The following BMPR1B variants were observed in gnomAD, a reference collection of about 807,000 sequenced individuals.
BMPR1B encodes bone morphogenetic protein receptor type-1B.
In BMPR1B, 12 loss-of-function variants were observed where a neutral mutation model predicts 59.1. That is an observed-to-expected ratio of 0.20 (90% CI 0.13 to 0.33). The LOEUF (loss-of-function observed/expected upper bound fraction) is 0.33. Among genes scored for constraint, BMPR1B ranks in the 10% least tolerant of loss-of-function variants. BMPR1B has a pLI of 1.00. For synonymous variants in BMPR1B, 237 were observed against 207.3 expected (o/e 1.14, Z -1.23); for missense variants, 550 against 610.9 (o/e 0.90, Z 1.05).
intron 3 of BMPR1B, among the ~76,000 whole-genome samples, chr4:95,102,255 C>A (rs1490962481): frequency 6.6e-6 from 1 of 152,162 alleles, no homozygotes; most frequent in Non-Finnish European, 1.5e-5. Flanking sequence ...CATCTTACTT[C>A]CAATCACATG....
At chr4:94,924,625 C>A (rs560838041) in intron 2 of BMPR1B, among the ~76,000 whole-genome samples, 2 of 152,128 alleles carry the variant, frequency 1.3e-5, no homozygotes, top group Non-Finnish European at 2.9e-5. Flanking sequence ...ACAAGACAGT[C>A]CATGGTTTCC....
intron 3 of BMPR1B, among the ~76,000 whole-genome samples, chr4:95,054,591 T>C (rs1726780030): frequency 6.6e-6 from 1 of 152,168 alleles, no homozygotes; most frequent in Admixed American, 6.5e-5. Flanking sequence ...CTACTTGTAC[T>C]ATCCTACCCC....
intron 1 of BMPR1B, among the ~76,000 whole-genome samples, chr4:94,784,435 A>G (rs891843919): frequency 6.6e-6 from 1 of 152,130 alleles, no homozygotes; most frequent in African/African-American, 2.4e-5. Flanking sequence ...CTTATTTGTT[A>G]TGAGTTTTCA....
intron 5 of BMPR1B, among the ~76,000 whole-genome samples, chr4:95,115,143 T>C (rs966616243): frequency 1.3e-5 from 2 of 152,194 alleles, no homozygotes; most frequent in African/African-American, 2.4e-5. Context: ...CTTTATCTTT[T>C]GGCCTATGTG....
chr4:94,847,280 A>G (rs1560513621), intron 1 of BMPR1B, among the ~76,000 whole-genome samples: 1 of 152,250 alleles, frequency 6.6e-6, no homozygotes, highest in Non-Finnish European at 1.5e-5. Context: ...AAAAACAGGC[A>G]GTAACAAATG....
At chr4:94,874,782 A>AG (rs1726650507) in intron 1 of BMPR1B, among the ~76,000 whole-genome samples, 1 of 152,110 alleles carries the variant, frequency 6.6e-6, no homozygotes, top group Admixed American at 6.5e-5. Flanking sequence ...ACTTGAGGTC[A>AG]GGAGTTCGAG....
chr4:94,778,062 T>C (rs1289473947), intron 1 of BMPR1B, among the ~76,000 whole-genome samples: 1 of 152,118 alleles, frequency 6.6e-6, no homozygotes, highest in Non-Finnish European at 1.5e-5. Context: ...ATATATGTTT[T>C]TAAATGAAAT....
chr4:94,895,096 A>G (rs550572817), intron 2 of BMPR1B, among the ~76,000 whole-genome samples: 1 of 152,168 alleles, frequency 6.6e-6, no homozygotes, highest in South Asian at 2.1e-4. Flanking sequence ...TGATAGTACC[A>G]TGTTCAACTT....
intron 2 of BMPR1B, among the ~76,000 whole-genome samples, chr4:94,892,163 A>G (rs1270191431): frequency 2.0e-5 from 3 of 152,056 alleles, no homozygotes; most frequent in Admixed American, 2.0e-4. Context: ...AACATCCCAG[A>G]GGAACATACG....
At chr4:94,758,714 G>A (rs1467347187) in intron 1 of BMPR1B, among the ~76,000 whole-genome samples, 1 of 151,620 alleles carries the variant, frequency 6.6e-6, no homozygotes, top group African/African-American at 2.4e-5. Flanking sequence ...CTCTCTCTAT[G>A]CCTCTCTCTC....
chr4:95,127,690 T>C (rs990664584), intron 8 of BMPR1B, among the ~76,000 whole-genome samples: 13 of 152,162 alleles, frequency 8.5e-5, no homozygotes, highest in African/African-American at 2.9e-4. Context: ...CTCAACATGA[T>C]GTCTCATGGC....
intron 3 of BMPR1B, among the ~76,000 whole-genome samples, chr4:95,015,177 A>G (rs1163494262): frequency 6.6e-6 from 1 of 152,196 alleles, no homozygotes; most frequent in Non-Finnish European, 1.5e-5. Flanking sequence ...GGTGTGCTGT[A>G]TGCTGTGGTG....
In BMPR1B at chr4:95,026,022, C is replaced by G. The variant is rs192497424; in HGVS notation, c.-18+29888C>G. ...TACACCTGAGGGTACGTCAGGCCTCCTGTCTAATCAGTGTGTACAGTATAC... is the reference window on the plus strand; with the variant it reads ...TACACCTGAGGGTACGTCAGGCCTCGTGTCTAATCAGTGTGTACAGTATAC... On this transcript the variant is annotated intron_variant, in intron 3 of 12. Coordinates refer to ENST00000515059, the MANE Select transcript of BMPR1B (RefSeq NM_001203.3). Among the ~76,000 whole-genome samples the G allele has an allele frequency of 1.6e-4, 24 of 152,326 alleles. No individual in the cohort carries two copies. In the South Asian group the frequency reaches 2.3e-3, roughly 14 times the overall value.
chr4:95,152,776 A>G lies in BMPR1B; in HGVS notation c.1383+3A>G, dbSNP rs1475083732. ...CAAACCGGTGGAGCAGTGATGAGGTAAGGCTTGAGGTAACCATGTGGCTGT... is the reference window on the plus strand; with the variant it reads ...CAAACCGGTGGAGCAGTGATGAGGTGAGGCTTGAGGTAACCATGTGGCTGT... On this transcript the variant is annotated splice_donor_region_variant and intron_variant, in intron 12 of 12. Coordinates refer to ENST00000515059, the MANE Select transcript of BMPR1B (RefSeq NM_001203.3). 1 of 1,612,052 alleles carries G rather than the reference A, an allele frequency of 6.2e-7. No homozygotes were observed. The highest frequency in any genetic ancestry group is 8.5e-7 in the Non-Finnish European group (1 of 1,179,114).
At chr4:95,001,099 AT>A (rs1200846667) in intron 3 of BMPR1B, among the ~76,000 whole-genome samples, 10 of 151,320 alleles carry the variant, frequency 6.6e-5, no homozygotes, top group South Asian at 4.2e-4. Flanking sequence ...TAAGGCCAGT[AT>A]TTTTTTTTAT....
intron 3 of BMPR1B, among the ~76,000 whole-genome samples, chr4:95,020,231 G>A (rs1723874530): frequency 6.6e-6 from 1 of 152,132 alleles, no homozygotes; most frequent in Non-Finnish European, 1.5e-5. Flanking sequence ...GATCTAATGA[G>A]TAGAAGTCAA....
chr4:95,091,496 A>G, intron 3 of BMPR1B: 1 of 985,312 alleles, frequency 1.0e-6, no homozygotes. Flanking sequence ...ATAACATATC[A>G]CAGGTGCAGG....
At chr4:95,026,733 T>G (rs2149146559) in intron 3 of BMPR1B, among the ~76,000 whole-genome samples, 1 of 62,214 alleles carries the variant, frequency 1.6e-5, no homozygotes, top group Non-Finnish European at 3.0e-5. Flanking sequence ...TACCCTCCCC[T>G]CCCTTCTCCC....
At chr4:95,033,470 T>C (rs766827007) in intron 3 of BMPR1B, among the ~76,000 whole-genome samples, 2 of 152,166 alleles carry the variant, frequency 1.3e-5, no homozygotes, top group African/African-American at 4.8e-5. Context: ...TTTTCCATTA[T>C]GGTATAAGAT....
Sources: gnomAD v4.1 joint callset for allele counts (sites outside exome capture counted in the v4.1 genomes callset) on GRCh38, gnomAD v4.1.1 for gene constraint, MANE v1.5 for transcripts, NCBI Gene and HGNC (gene_info 2026-07-23, HGNC 2026-07-21) for gene names.